ERG: variants seen among roughly 807,000 people sequenced by gnomAD.
The protein encoded by ERG is transcriptional regulator ERG.
ERG carries 9 observed loss-of-function variants against 55.3 expected under a neutral mutation model. That is an observed-to-expected ratio of 0.16 (90% CI 0.10 to 0.28). ERG has a LOEUF of 0.28. ERG is among the 10% of genes least tolerant of loss of function. ERG has a pLI of 1.00. For synonymous variants in ERG, 223 were observed against 237.3 expected, an observed-to-expected ratio of 0.94 and a Z score of 0.55; for missense variants, 434 against 631.6, an observed-to-expected ratio of 0.69 and a Z score of 3.35.
chr21:38,383,307 A>T lies in ERG; in HGVS notation c.*96T>A. 7.5e-7 allele frequency: 1 copy of T among 1,341,862 alleles called. No individual in the cohort carries two copies. Among genetic ancestry groups the T allele is most frequent in the East Asian group, 2.6e-5 (1 of 37,916 alleles). 83.1% of individuals were successfully genotyped at this position (1,341,862 alleles called of 1,614,324 possible). A position where few individuals can be genotyped will look rare whatever the true frequency, so the allele number is the denominator to read the frequency against. On this transcript the variant is annotated 3_prime_UTR_variant, in exon 10 of 10. Transcript: ENST00000288319. The surrounding 1 kb of genome is among the most constrained non-coding windows in gnomAD (Gnocchi z 5.7). ...CCCCAGCCCCAGTAAAGCTTTTTTC[A>T]TTCCTCTTGAGGCACTTTTGATTCA...
At chr21:38,563,507 C>T (rs1459002923) in intron 2 of ERG, among the ~76,000 whole-genome samples, 3 of 152,274 alleles carry the variant, frequency 2.0e-5, no homozygotes, top group Non-Finnish European at 4.4e-5. Context: ...ACACATGGTC[C>T]GTGAGAGCAC....
chr21:38,495,287 A>C (rs17193990), intron 1 of ERG, among the ~76,000 whole-genome samples: 5,756 of 152,316 alleles, frequency 0.038, 248 homozygotes, highest in East Asian at 0.13. Context: ...TTAAATTAAT[A>C]AAATTGAGTC....
chr21:38,583,536 G>T (rs1278506324), intron 1 of ERG, among the ~76,000 whole-genome samples: 1 of 152,178 alleles, frequency 6.6e-6, no homozygotes, highest in Non-Finnish European at 1.5e-5. Flanking sequence ...AGTAGGAAAT[G>T]GCTCATCTTT....
intron 2 of ERG, among the ~76,000 whole-genome samples, chr21:38,571,912 G>A (rs765854911): frequency 7.2e-5 from 11 of 152,284 alleles, no homozygotes; most frequent in Non-Finnish European, 1.2e-4. Flanking sequence ...GAGTCTTCAC[G>A]GGAATCACAC....
chr21:38,611,785 C>A (rs1307958676), intron 1 of ERG, among the ~76,000 whole-genome samples: 6 of 152,148 alleles, frequency 3.9e-5, no homozygotes, highest in Non-Finnish European at 8.8e-5. Flanking sequence ...CCCGCTGCAT[C>A]CTCGGCACCC....
At position 38,642,505 on chromosome 21, in the gene ERG, T is replaced by C. The variant is rs551743025; in HGVS notation, c.-150+19153A>G. On this transcript the variant is annotated intron_variant, in intron 1 of 10. Coordinates refer to the ERG transcript ENST00000398910. ...ACACAGACCCACTCAAACTCTCACC[T>C]GCAGATTCTCAGAGCACACTACATC... 5.9e-5 allele frequency among the ~76,000 whole-genome samples: 9 copies of C among 152,134 alleles called. No individual in the cohort carries two copies. The South Asian group carries it at 1.9e-3, about 32-fold the overall frequency.
chr21:38,368,663 A>C, the ERG span, among the ~76,000 whole-genome samples: 13 of 152,228 alleles, frequency 8.5e-5, no homozygotes, highest in Middle Eastern at 6.8e-3. Flanking sequence ...GGTTTATTAC[A>C]TAGATAAACT....
Position 38,402,593 on chromosome 21 carries a change from G to C in ERG, c.637C>G (p.Gln213Glu), listed in dbSNP as rs2146453111. 2 of 1,568,966 alleles carry C rather than the reference G, an allele frequency of 1.3e-6. No homozygotes were observed. Among genetic ancestry groups the C allele is most frequent in the South Asian group, 1.1e-5 (1 of 89,884 alleles). Residue 213 changes from glutamine to glutamate, a missense_variant, in exon 5 of 10, where the codon CAA (glutamine) becomes GAA (glutamate). Gln to Glu is a conservative substitution (Grantham distance 29). Transcript: ENST00000288319. ...LTSDDVDKAL[Q>E]NSPRLMHARN... is the part of the protein sequence containing the mutation. ...GCATGCATTAACCGTGGAGAGTTTT[G>C]TAAGGCTTTATCAACATCATCTGAA...
At position 38,612,144 on chromosome 21, in the gene ERG, C is replaced by T. The variant is rs1033738061; in HGVS notation, c.-149-27199G>A. 2.0e-5 allele frequency among the ~76,000 whole-genome samples: 3 copies of T among 152,240 alleles called. No homozygotes were observed. The East Asian group carries it at 5.8e-4, about 29-fold the overall frequency. Reference sequence around the variant, plus strand: ...CACACAGAATGTCCTGAAGATCCAGCGACGTCCTGAATGTGACGCGTTCCA... The same window carrying T: ...CACACAGAATGTCCTGAAGATCCAGTGACGTCCTGAATGTGACGCGTTCCA... On this transcript the variant is annotated intron_variant, in intron 1 of 10. Coordinates refer to the ERG transcript ENST00000398910.
chr21:38,398,914 C>T (rs944446075), intron 6 of ERG, among the ~76,000 whole-genome samples: 27 of 152,212 alleles, frequency 1.8e-4, no homozygotes, highest in African/African-American at 6.0e-4. Flanking sequence ...CAAACAAATA[C>T]AAAATTAAAA....
At chr21:38,557,422 C>G (rs1212421312) in intron 2 of ERG, among the ~76,000 whole-genome samples, 2 of 152,156 alleles carry the variant, frequency 1.3e-5, no homozygotes, top group Non-Finnish European at 2.9e-5. Context: ...GGGCTTCACT[C>G]AGACAGTGCT....
intron 2 of ERG, among the ~76,000 whole-genome samples, chr21:38,527,973 T>C (rs2059642133): frequency 1.3e-5 from 2 of 152,182 alleles, no homozygotes; most frequent in African/African-American, 4.8e-5. Context: ...TTCTCACAGC[T>C]CTGAGGTCGA....
intron 2 of ERG, among the ~76,000 whole-genome samples, chr21:38,530,057 T>C (rs1462119442): frequency 6.6e-6 from 1 of 152,108 alleles, no homozygotes; most frequent in Non-Finnish European, 1.5e-5. Flanking sequence ...CTTTTGGTTT[T>C]TTAGTTTTGT....
At chr21:38,434,838 C>T (rs562017759) in intron 2 of ERG, among the ~76,000 whole-genome samples, 6 of 152,178 alleles carry the variant, frequency 3.9e-5, no homozygotes, top group South Asian at 2.1e-4. Context: ...GCTGTGCATG[C>T]GTGTATGTGG....
chr21:38,443,333 T>C (rs1601409830), intron 2 of ERG, among the ~76,000 whole-genome samples: 2 of 152,314 alleles, frequency 1.3e-5, no homozygotes, highest in East Asian at 3.9e-4. Flanking sequence ...GTTTCCTTCC[T>C]CTCTCCCCAC....
chr21:38,417,567 T>C (rs1170455556), intron 3 of ERG, among the ~76,000 whole-genome samples: 1 of 152,110 alleles, frequency 6.6e-6, no homozygotes, highest in African/African-American at 2.4e-5. Context: ...GGTGGGTGGA[T>C]CATCTGAGGT....
At chr21:38,532,106 A>G (rs1324123572) in intron 2 of ERG, among the ~76,000 whole-genome samples, 3 of 152,236 alleles carry the variant, frequency 2.0e-5, no homozygotes, top group Non-Finnish European at 4.4e-5. Context: ...AAAGAGAATA[A>G]GAACAAGAAA....
chr21:38,476,389 C>T (rs376356010), intron 1 of ERG, among the ~76,000 whole-genome samples: 5 of 152,138 alleles, frequency 3.3e-5, no homozygotes, highest in South Asian at 2.1e-4. Flanking sequence ...CCTGGCTCTT[C>T]GTAACACCAG....
intron 2 of ERG, among the ~76,000 whole-genome samples, chr21:38,566,523 T>C (rs1024577697): frequency 1.3e-5 from 2 of 152,216 alleles, no homozygotes; most frequent in Non-Finnish European, 2.9e-5. Context: ...GTTAATTTCC[T>C]ATAAGGTGGA....
Sources: gnomAD v4.1 joint callset for allele counts (sites outside exome capture counted in the v4.1 genomes callset) on GRCh38, gnomAD v4.1.1 for gene constraint, Gnocchi (gnomAD v3.1) non-coding constraint, MANE v1.5 for transcripts, NCBI Gene and HGNC (gene_info 2026-07-23, HGNC 2026-07-21) for gene names.